Variants in NEBL observed in about 807,000 individuals in gnomAD.
NEBL encodes the protein LIM and SH3 protein 2.
Under a neutral mutation model 140.2 loss-of-function variants are expected in NEBL, and 122 were observed. That is an observed-to-expected ratio of 0.87 (90% CI 0.75 to 1.01). The LOEUF is 1.01. Ranked by LOEUF, NEBL falls within the 50% of genes least tolerant of loss-of-function variation. NEBL has a pLI of 0.00. For synonymous variants in NEBL, 436 were observed against 398.9 expected, an observed-to-expected ratio of 1.09 and a Z score of -1.11; for missense variants, 1,365 against 1,231.3, an observed-to-expected ratio of 1.11 and a Z score of -1.62.
intron 9 of NEBL, among the ~76,000 whole-genome samples, chr10:20,857,742 C>G (rs1843226538): frequency 6.6e-6 from 1 of 152,100 alleles, no homozygotes; most frequent in Non-Finnish European, 1.5e-5. Flanking sequence ...GTTGCCTTGA[C>G]CGAGAACATG....
At chr10:21,240,386 G>A (rs1166323435) in intron 3 of NEBL, among the ~76,000 whole-genome samples, 1 of 152,206 alleles carries the variant, frequency 6.6e-6, no homozygotes, top group African/African-American at 2.4e-5. Context: ...GCTCACGCCT[G>A]TAATCCCAGC....
At chr10:20,929,324 T>C (rs1834066609) in intron 4 of NEBL, among the ~76,000 whole-genome samples, 1 of 152,066 alleles carries the variant, frequency 6.6e-6, no homozygotes, top group Non-Finnish European at 1.5e-5. Flanking sequence ...TTCACAGCTA[T>C]TAAGTATATT....
chr10:21,169,067 A>AAATATATATATATATAT (rs1554830679), intron 2 of NEBL, among the ~76,000 whole-genome samples: 3 of 23,062 alleles, frequency 1.3e-4, no homozygotes, highest in Non-Finnish European at 2.6e-4. Flanking sequence ...AAAAAAAAAA[A>AAATATATATATATATAT]ATATATATAT....
intron 2 of NEBL, among the ~76,000 whole-genome samples, chr10:21,026,477 T>G (rs1227722747): frequency 1.3e-5 from 2 of 152,236 alleles, no homozygotes; most frequent in African/African-American, 4.8e-5. Context: ...AACTTTGTTT[T>G]CATTCCTGTC....
chr10:21,017,277 T>C lies in NEBL; in HGVS notation c.249+2840A>G, dbSNP rs563025577. Among the ~76,000 whole-genome samples, 6 of 152,322 alleles carry C rather than the reference T, an allele frequency of 3.9e-5. No individual in the cohort carries two copies. The South Asian group carries it at 8.3e-4, about 21-fold the overall frequency. ...CCTTGGAATACAGCAACACTGTTGA[T>C]GATGATGATGTCTTTATATCCCAGT... On this transcript the variant is annotated intron_variant, in intron 3 of 6. Coordinates refer to the NEBL transcript ENST00000417816.
intron 4 of NEBL, among the ~76,000 whole-genome samples, chr10:20,916,789 CT>C (rs1848574302): frequency 2.0e-5 from 3 of 152,156 alleles, no homozygotes; most frequent in African/African-American, 7.2e-5. Context: ...TCTGAAGTTC[CT>C]CAAGGCAATA....
At chr10:20,976,921 T>TGA (rs1836826483) in intron 3 of NEBL, among the ~76,000 whole-genome samples, 1 of 137,072 alleles carries the variant, frequency 7.3e-6, no homozygotes, top group East Asian at 3.2e-4. Context: ...TGAATCTACA[T>TGA]TAAAAAAAAA....
intron 2 of NEBL, among the ~76,000 whole-genome samples, chr10:21,039,065 T>G (rs1461825983): frequency 1.0e-4 from 3 of 28,678 alleles, no homozygotes; most frequent in African/African-American, 2.7e-4. Flanking sequence ...GGGCTGTTTT[T>G]TTTTTTTTTT....
chr10:20,987,145 T>C (rs145447223), intron 3 of NEBL, among the ~76,000 whole-genome samples: 257 of 152,328 alleles, frequency 1.7e-3, no homozygotes, highest in Middle Eastern at 6.8e-3. Context: ...ATGTACTATC[T>C]GTACCGACCG....
chr10:20,940,387 C>A (rs986066353), intron 4 of NEBL, among the ~76,000 whole-genome samples: 3 of 146,480 alleles, frequency 2.0e-5, no homozygotes, highest in African/African-American at 7.7e-5. Flanking sequence ...TTGAAACCAA[C>A]GAGAACAAAG....
rs78839771 is a variant in NEBL at position 21,023,310 on chromosome 10, G to A, written c.165-3109C>T. On this transcript the variant is annotated intron_variant, in intron 2 of 6. Coordinates refer to the NEBL transcript ENST00000417816. The stretch of plus-strand genomic sequence containing the variant: ...AAATGTGTTACAGAAAGTTTAGCCC[G>A]TTGAGAGATCCCCTTCATACTAACT... Among the ~76,000 whole-genome samples, 249 of 152,268 alleles carry A rather than the reference G, an allele frequency of 1.6e-3. 1 individual carries two copies. Among genetic ancestry groups the A allele is most frequent in the African/African-American group, 5.7e-3 (237 of 41,546 alleles).
intron 2 of NEBL, among the ~76,000 whole-genome samples, chr10:21,149,403 A>AC (rs1840050396): frequency 6.6e-6 from 1 of 151,778 alleles, no homozygotes. Flanking sequence ...CGATTCTCTC[A>AC]CCTCAGCCTC....
At chr10:21,102,374 A>G (rs1167458339) in intron 2 of NEBL, among the ~76,000 whole-genome samples, 2 of 152,218 alleles carry the variant, frequency 1.3e-5, no homozygotes, top group African/African-American at 4.8e-5. Context: ...AAGATAATGG[A>G]CGTTTTCATC....
intron 2 of NEBL, among the ~76,000 whole-genome samples, chr10:21,098,628 A>T (rs1837315846): frequency 6.6e-6 from 1 of 152,182 alleles, no homozygotes; most frequent in Admixed American, 6.6e-5. Context: ...TCAATCCATG[A>T]AGATAAACTC....
At chr10:21,000,172 G>A (rs1217963616) in intron 3 of NEBL, among the ~76,000 whole-genome samples, 1 of 129,078 alleles carries the variant, frequency 7.7e-6, no homozygotes, top group Non-Finnish European at 1.6e-5. Flanking sequence ...GGGGCAGAGA[G>A]GGGGCAGAGG....
At chr10:20,908,122 T>C (rs1406089086) in intron 4 of NEBL, among the ~76,000 whole-genome samples, 1 of 152,164 alleles carries the variant, frequency 6.6e-6, no homozygotes, top group East Asian at 1.9e-4. Context: ...CTGTGAGCTT[T>C]ATATACAGTA....
At chr10:20,840,988 CT>C in intron 12 of NEBL, 139 bp from the exon 13 acceptor site, 1 of 646,814 alleles carries the variant, frequency 1.5e-6, no homozygotes, top group Non-Finnish European at 2.7e-6. Flanking sequence ...AGTATTCATG[CT>C]TTTTTCCTAC....
chr10:21,287,105 G>A (rs1843066417), intron 1 of NEBL, among the ~76,000 whole-genome samples: 1 of 152,190 alleles, frequency 6.6e-6, no homozygotes, highest in African/African-American at 2.4e-5. Flanking sequence ...ACAACCAGAA[G>A]CAACCGTTAA....
At chr10:21,012,849 A>T (rs1290675371) in intron 3 of NEBL, among the ~76,000 whole-genome samples, 1 of 152,178 alleles carries the variant, frequency 6.6e-6, no homozygotes, top group Non-Finnish European at 1.5e-5. Context: ...AATGATGGAA[A>T]GGGAAGTAGG....
Sources: allele counts gnomAD v4.1 joint callset (sites outside exome capture counted in the v4.1 genomes callset), GRCh38; gene constraint gnomAD v4.1.1; transcripts MANE v1.5; gene names NCBI Gene and HGNC (gene_info 2026-07-23, HGNC 2026-07-21).